Variants in VTA1 observed in about 807,000 individuals in gnomAD.
VTA1 encodes the protein vacuolar protein sorting-associated protein VTA1 homolog.
A neutral mutation model predicts 36.9 loss-of-function variants in VTA1; 24 were observed. That is an observed-to-expected ratio of 0.65 (90% CI 0.47 to 0.91). The LOEUF is 0.91. Ranked by LOEUF, VTA1 falls within the 40% of genes least tolerant of loss-of-function variation. VTA1 has a pLI of 0.00. For missense variants in VTA1, 393 were observed against 377.2 expected (o/e 1.04, Z -0.35); for synonymous variants, 142 against 130.2 (o/e 1.09, Z -0.62).
rs372676458 is a variant in VTA1 at position 142,217,852 on chromosome 6, TG to T, written c.779-645del. Among the ~76,000 whole-genome samples, 38 of 151,654 alleles carry T rather than the reference TG, an allele frequency of 2.5e-4. 1 individual carries two copies. In the South Asian group the frequency reaches 6.0e-3, roughly 24 times the overall value. ...CTTAGATTAAATGAAATGTTTTTAA[TG>T]TTTTTTTTTTAAACTGAAATTGTTT... On this transcript the variant is annotated intron_variant, in intron 7 of 7. Transcript: ENST00000367630.
intron 4 of VTA1, among the ~76,000 whole-genome samples, chr6:142,174,245 C>T (rs1038811974): frequency 1.1e-4 from 16 of 152,188 alleles, no homozygotes; most frequent in African/African-American, 3.1e-4. Context: ...GCCATAGGGG[C>T]AGAGCTGCCC....
intron 5 of VTA1, 104 bp downstream of exon 5, chr6:142,189,638 G>A (rs1342644341): frequency 7.7e-6 from 6 of 780,752 alleles, no homozygotes; most frequent in Non-Finnish European, 1.2e-5. Flanking sequence ...GTTTTCATCA[G>A]GCCCAGAATC....
At chr6:142,202,307 G>A (rs1328378180) in intron 6 of VTA1, among the ~76,000 whole-genome samples, 1 of 151,840 alleles carries the variant, frequency 6.6e-6, no homozygotes, top group Non-Finnish European at 1.5e-5. Context: ...AGATTTGGCT[G>A]TCTCCTCACT....
In VTA1 at chr6:142,183,796, T is replaced by C. The variant is rs1346755091; in HGVS notation, c.412-5630T>C. Among the ~76,000 whole-genome samples, 4 of 152,326 alleles carry C rather than the reference T, an allele frequency of 2.6e-5. No individual in the cohort carries two copies. The East Asian group carries it at 7.7e-4, about 29-fold the overall frequency. The stretch of plus-strand genomic sequence containing the variant: ...ACTGCCGGAAATTTCTGCTAAATAG[T>C]ATATGCAGCAGTTTGTAGGAATAGG... On this transcript the variant is annotated intron_variant, in intron 4 of 7. Transcript: ENST00000367630.
intron 1 of VTA1, among the ~76,000 whole-genome samples, chr6:142,148,880 A>G (rs1347075615): frequency 2.6e-5 from 4 of 152,110 alleles, no homozygotes; most frequent in South Asian, 2.1e-4. Flanking sequence ...GGCTTGCTGG[A>G]AGGAGGAGTA....
chr6:142,172,012 A>C (rs1388012513), intron 4 of VTA1, among the ~76,000 whole-genome samples: 1 of 152,098 alleles, frequency 6.6e-6, no homozygotes, highest in Non-Finnish European at 1.5e-5. Context: ...CAAATGAAGG[A>C]CTTTTCTTTT....
At chr6:142,150,746 G>A (rs1286074027) in intron 1 of VTA1, among the ~76,000 whole-genome samples, 1 of 151,914 alleles carries the variant, frequency 6.6e-6, no homozygotes, top group Non-Finnish European at 1.5e-5. Context: ...AACCCTGTCT[G>A]TACTAAAAAT....
At position 142,198,587 on chromosome 6, in the gene VTA1, T is replaced by C; in HGVS notation, c.669T>C (p.Asn223=). 1 of 1,612,818 alleles carries C rather than the reference T, an allele frequency of 6.2e-7. No homozygotes were observed. Among genetic ancestry groups the C allele is most frequent in the Non-Finnish European group, 8.5e-7 (1 of 1,179,204 alleles). ...QIPPGAHAPA[N]TPAEVPHSTG... ...CTCCGGGTGCACACGCTCCAGCTAATACACCAGCAGAAGTGCCTCACAGCA... is the reference window on the plus strand; with the variant it reads ...CTCCGGGTGCACACGCTCCAGCTAACACACCAGCAGAAGTGCCTCACAGCA... Residue 223 remains asparagine, a synonymous_variant, in exon 6 of 8, where the codon AAT becomes AAC. Coordinates refer to ENST00000367630, the MANE Select transcript of VTA1 (RefSeq NM_016485.5).
rs1356214489 is a variant in VTA1 at position 142,158,727 on chromosome 6, A to C, written c.113-7501A>C. On this transcript the variant is annotated intron_variant, in intron 1 of 7. Transcript: ENST00000367630. Reference sequence around the variant, plus strand: ...TTTCTCCTTTTTCTGCCTTTTTGATAATCGAAGTTCTTTTAGAATTCTGTC... The same window carrying C: ...TTTCTCCTTTTTCTGCCTTTTTGATCATCGAAGTTCTTTTAGAATTCTGTC... Among the ~76,000 whole-genome samples, 3 of 152,092 alleles carry C rather than the reference A, an allele frequency of 2.0e-5. No individual in the cohort carries two copies. The East Asian group carries it at 5.8e-4, about 29-fold the overall frequency.
intron 6 of VTA1, among the ~76,000 whole-genome samples, chr6:142,202,906 A>G (rs926658304): frequency 2.0e-5 from 3 of 152,120 alleles, no homozygotes; most frequent in Middle Eastern, 3.4e-3. Flanking sequence ...ATGGCTTTTA[A>G]TAGTTCCAAA....
At chr6:142,215,837 C>T (rs1775995085) in intron 7 of VTA1, among the ~76,000 whole-genome samples, 1 of 151,918 alleles carries the variant, frequency 6.6e-6, no homozygotes. Flanking sequence ...TTCTTTATAC[C>T]AAGTGATGTT....
rs1775849477 is a variant in VTA1, at chr6:142,209,016, G to C, written c.778+4951G>C. 2.0e-5 allele frequency among the ~76,000 whole-genome samples: 3 copies of C among 152,084 alleles called. No individual in the cohort carries two copies. The South Asian group carries it at 6.2e-4, about 32-fold the overall frequency. On this transcript the variant is annotated intron_variant, in intron 7 of 7. Transcript: ENST00000367630. ...GAGCAATTTTATAGTATAGAGAATA[G>C]AGCAATTAGGCAAAAGAAAGAAATA...
At chr6:142,157,651 G>A (rs926553572) in intron 1 of VTA1, among the ~76,000 whole-genome samples, 1 of 151,928 alleles carries the variant, frequency 6.6e-6, no homozygotes, top group African/African-American at 2.4e-5. Flanking sequence ...CTTTGATAAG[G>A]TTTGTCTTCT....
intron 4 of VTA1, among the ~76,000 whole-genome samples, chr6:142,178,207 A>G (rs184875095): frequency 4.1e-4 from 62 of 152,266 alleles, no homozygotes; most frequent in African/African-American, 1.4e-3. Flanking sequence ...TGTTACACAC[A>G]GGGTAACAGT....
intron 2 of VTA1, among the ~76,000 whole-genome samples, chr6:142,169,288 G>T (rs373119678): frequency 6.6e-6 from 1 of 151,994 alleles, no homozygotes; most frequent in Admixed American, 6.6e-5. Context: ...ATCCTTTTAT[G>T]CTTGGTTATT....
intron 4 of VTA1, among the ~76,000 whole-genome samples, chr6:142,186,241 A>G (rs1775337045): frequency 6.6e-6 from 1 of 152,176 alleles, no homozygotes; most frequent in South Asian, 2.1e-4. Context: ...ACAGAAAAAA[A>G]TGCATAGCTG....
At chr6:142,165,573 G>C (rs1230621958) in intron 1 of VTA1, among the ~76,000 whole-genome samples, 1 of 152,114 alleles carries the variant, frequency 6.6e-6, no homozygotes, top group Non-Finnish European at 1.5e-5. Context: ...CAGATCTCTA[G>C]GACATATTGT....
intron 6 of VTA1, 22 bp from the exon 7 acceptor site, chr6:142,203,963 T>G: frequency 6.2e-7 from 1 of 1,606,174 alleles, no homozygotes; most frequent in Non-Finnish European, 8.5e-7. Context: ...TCTATGCCCA[T>G]TTTTGCTTTT....
intron 1 of VTA1, among the ~76,000 whole-genome samples, chr6:142,153,400 A>G (rs1277466038): frequency 6.6e-6 from 1 of 151,950 alleles, no homozygotes; most frequent in Non-Finnish European, 1.5e-5. Context: ...AAACAATCCT[A>G]GTACTCTAAC....
Sources: gnomAD v4.1 joint callset for allele counts (sites outside exome capture counted in the v4.1 genomes callset) on GRCh38, gnomAD v4.1.1 for gene constraint, MANE v1.5 for transcripts, NCBI Gene and HGNC (gene_info 2026-07-23, HGNC 2026-07-21) for gene names.